CACNA1D: variants seen among roughly 807,000 people sequenced by gnomAD.
CACNA1D encodes the protein voltage-dependent L-type calcium channel subunit alpha-1D.
CACNA1D carries 55 observed loss-of-function variants against 257.1 expected under a neutral mutation model. The observed-to-expected ratio is 0.21, with a 90% CI of 0.17 to 0.27. The LOEUF (loss-of-function observed/expected upper bound fraction) is 0.27. CACNA1D is among the 10% of genes least tolerant of loss of function. The pLI is 1.00. For missense variants in CACNA1D, 1,876 were observed against 2,784.0 expected (o/e 0.67, Z 7.34); for synonymous variants, 980 against 1,014.9 (o/e 0.97, Z 0.65).
At chr3:53,528,867 G>A (rs6445583) in intron 3 of CACNA1D, among the ~76,000 whole-genome samples, 117,565 of 152,096 alleles carry the variant, frequency 0.77, 46,411 homozygotes, top group African/African-American at 0.92. Flanking sequence ...TGTACATGCC[G>A]CCTTGTCACA....
At chr3:53,521,083 A>T (rs1216669915) in intron 3 of CACNA1D, among the ~76,000 whole-genome samples, 1 of 146,284 alleles carries the variant, frequency 6.8e-6, no homozygotes, top group Admixed American at 7.0e-5. Context: ...CCTGCTGGCC[A>T]TACTGGAGTA....
At chr3:53,636,137 G>A (rs1460518174) in intron 3 of CACNA1D, among the ~76,000 whole-genome samples, 5 of 152,094 alleles carry the variant, frequency 3.3e-5, no homozygotes, top group African/African-American at 7.2e-5. Flanking sequence ...GAGCATGAGA[G>A]CAAGAGTTAC....
intron 16 of CACNA1D, 69 bp from the exon 17 acceptor site, chr3:53,731,008 C>A: frequency 2.1e-6 from 2 of 947,532 alleles, no homozygotes; most frequent in Non-Finnish European, 3.4e-6. Context: ...GATTCAGAAT[C>A]CTGATTAGCA....
intron 3 of CACNA1D, among the ~76,000 whole-genome samples, chr3:53,559,184 A>T (rs1240020810): frequency 6.6e-6 from 1 of 152,062 alleles, no homozygotes; most frequent in East Asian, 1.9e-4. Flanking sequence ...TTTAAGTTTT[A>T]TTGTATCTTT....
rs577773183 is a variant in CACNA1D, at chr3:53,601,727, GTC to G, written c.484-49049_484-49048del. On this transcript the variant is annotated intron_variant, in intron 3 of 47. Transcript: ENST00000350061. ...TTTATTTTTTATTTTTTGAGACGGA[GTC>G]TCACTCTGTCACCCAGGCTAGAGTG... Among the ~76,000 whole-genome samples the G allele has an allele frequency of 4.3e-3, 661 of 152,156 alleles. 2 individuals are homozygous for G. Among genetic ancestry groups the G allele is most frequent in the Middle Eastern group, 0.017 (5 of 294 alleles).
chr3:53,538,387 C>T (rs542845608), intron 3 of CACNA1D, among the ~76,000 whole-genome samples: 43 of 152,206 alleles, frequency 2.8e-4, no homozygotes, highest in African/African-American at 1.0e-3. Context: ...AAACTCCTCA[C>T]CTCAAGTGAT....
intron 15 of CACNA1D, among the ~76,000 whole-genome samples, chr3:53,727,480 G>T (rs1005975390): frequency 6.6e-6 from 1 of 152,106 alleles, no homozygotes; most frequent in Non-Finnish European, 1.5e-5. Context: ...CCATCTTTGC[G>T]GATCAAGTGT....
intron 3 of CACNA1D, among the ~76,000 whole-genome samples, chr3:53,536,982 T>C (rs2092132749): frequency 6.6e-6 from 1 of 152,236 alleles, no homozygotes; most frequent in Non-Finnish European, 1.5e-5. Flanking sequence ...TTTTATTTTT[T>C]ACTAATAAAG....
chr3:53,505,024 C>T (rs1023951916), intron 3 of CACNA1D, among the ~76,000 whole-genome samples: 10 of 152,052 alleles, frequency 6.6e-5, no homozygotes, highest in Admixed American at 2.0e-4. Flanking sequence ...CAGCACTAAG[C>T]GCCCGGAGGC....
intron 43 of CACNA1D, 31 bp from the exon 44 acceptor site, chr3:53,803,392 C>G (rs1487993030): frequency 1.9e-6 from 3 of 1,613,790 alleles, no homozygotes; most frequent in Non-Finnish European, 2.5e-6. Flanking sequence ...GCCGCCTGCC[C>G]AGGTTCTCAG....
intron 46 of CACNA1D, 187 bp downstream of exon 46, chr3:53,808,957 TCACA>T: frequency 1.5e-6 from 1 of 651,392 alleles, no homozygotes; most frequent in Non-Finnish European, 2.6e-6. Flanking sequence ...CTGCCCAAGC[TCACA>T]CAAGTGACTG....
rs986718433 is a variant in CACNA1D at position 53,735,308 on chromosome 3, C to T, written c.2622-66C>T. On this transcript the variant is annotated intron_variant, in intron 19 of 47. Transcript: ENST00000350061. ...GGCCTCTTGCTGCAGTGGCCCCACACTCTTAAGGACCCAGTGTGTTCCACC... is the reference window on the plus strand; with the variant it reads ...GGCCTCTTGCTGCAGTGGCCCCACATTCTTAAGGACCCAGTGTGTTCCACC... 7.9e-6 allele frequency: 12 copies of T among 1,513,072 alleles called. No individual in the cohort carries two copies. The Admixed American group carries it at 1.3e-4, about 17-fold the overall frequency. The allele number at this position is 1,513,072 out of a possible 1,614,324, so 93.7% of individuals were successfully genotyped here.
intron 3 of CACNA1D, among the ~76,000 whole-genome samples, chr3:53,519,458 C>T (rs1276188966): frequency 6.6e-6 from 1 of 152,144 alleles, no homozygotes; most frequent in African/African-American, 2.4e-5. Context: ...TAGAAAGAGG[C>T]CTCTTGCTTA....
At chr3:53,760,273 G>A (rs1046864132) in intron 29 of CACNA1D, among the ~76,000 whole-genome samples, 2 of 152,300 alleles carry the variant, frequency 1.3e-5, no homozygotes, top group East Asian at 3.9e-4. Flanking sequence ...TACTCCAGCT[G>A]TTAGGACAGT....
chr3:53,742,547 T>G (rs2680649), intron 21 of CACNA1D, among the ~76,000 whole-genome samples: 1 of 152,062 alleles, frequency 6.6e-6, no homozygotes, highest in African/African-American at 2.4e-5. Context: ...GGAAAAGTGA[T>G]GTAGGTCCAT....
Position 53,801,629 on chromosome 3 carries a change from C to A in CACNA1D, c.5408+204C>A, listed in dbSNP as rs570702202. ...CGTGATGGACCTAAAGGATAAGGGC[C>A]ACGTGCCATCCTACATCCTGTGTGG... On this transcript the variant is annotated intron_variant, in intron 42 of 47. Coordinates refer to ENST00000350061, the MANE Select transcript of CACNA1D (RefSeq NM_001128840.3). Among the ~76,000 whole-genome samples the A allele has an allele frequency of 2.0e-5, 3 of 152,236 alleles. No homozygotes were observed. In the East Asian group the frequency reaches 5.8e-4, roughly 29 times the overall value.
At chr3:53,591,506 G>A (rs1428369057) in intron 3 of CACNA1D, among the ~76,000 whole-genome samples, 1 of 152,062 alleles carries the variant, frequency 6.6e-6, no homozygotes, top group Non-Finnish European at 1.5e-5. Context: ...CGCCCACCTT[G>A]GTGTCCCAAA....
At chr3:53,538,857 C>T (rs1299275536) in intron 3 of CACNA1D, among the ~76,000 whole-genome samples, 1 of 152,124 alleles carries the variant, frequency 6.6e-6, no homozygotes, top group Non-Finnish European at 1.5e-5. Flanking sequence ...ATAGTAAAAA[C>T]ACATAGAGAA....
At chr3:53,794,499 A>G (rs575502664) in intron 40 of CACNA1D, among the ~76,000 whole-genome samples, 4 of 152,336 alleles carry the variant, frequency 2.6e-5, no homozygotes, top group African/African-American at 9.6e-5. Context: ...GAGTGGAGAA[A>G]GGTCCACAGA....
Sources: gnomAD v4.1 joint callset for allele counts (sites outside exome capture counted in the v4.1 genomes callset) on GRCh38, gnomAD v4.1.1 for gene constraint, MANE v1.5 for transcripts, NCBI Gene and HGNC (gene_info 2026-07-23, HGNC 2026-07-21) for gene names.